Variants in AMN1 observed in about 807,000 individuals in gnomAD.
AMN1 encodes antagonist of mitotic exit network 1 homolog, also known as protein AMN1 homolog.
A neutral mutation model predicts 33.0 loss-of-function variants in AMN1; 20 were observed. That is an observed-to-expected ratio of 0.61 (90% CI 0.43 to 0.88). The LOEUF is 0.88. Among genes scored for constraint, AMN1 ranks in the 40% least tolerant of loss-of-function variants. The pLI is 0.00. For synonymous variants in AMN1, 114 were observed against 111.9 expected, an observed-to-expected ratio of 1.02 and a Z score of -0.12; for missense variants, 246 against 307.4, an observed-to-expected ratio of 0.80 and a Z score of 1.49.
intron 1 of AMN1, among the ~76,000 whole-genome samples, chr12:31,722,954 C>CA (rs1475781003): frequency 6.6e-6 from 1 of 152,114 alleles, no homozygotes; most frequent in African/African-American, 2.4e-5. Context: ...GTCAGGAGCT[C>CA]AAGACCAGGC....
chr12:31,687,212 GT>G lies in AMN1; in HGVS notation c.703+1794del, dbSNP rs1275081167. Among the ~76,000 whole-genome samples, 2 of 151,994 alleles carry G rather than the reference GT, an allele frequency of 1.3e-5. No homozygotes were observed. Among genetic ancestry groups the G allele is most frequent in the Non-Finnish European group, 2.9e-5 (2 of 68,008 alleles). On this transcript the variant is annotated intron_variant, in intron 6 of 6. Transcript: ENST00000281471. The surrounding 1 kb of genome is among the most constrained non-coding windows in gnomAD (Gnocchi z 4.1). ...TACTGGCTCTAGTTTCTTAAGAAAT[GT>G]CTTTGCATAAAGATCTAATCTTCAC...
rs532634507 is a variant in AMN1 at position 31,681,524 on chromosome 12, C to T, written c.703+7483G>A. Among the ~76,000 whole-genome samples the T allele has an allele frequency of 2.6e-3, 395 of 152,136 alleles. 5 individuals carry two copies. The highest frequency in any genetic ancestry group is 1.8e-3 in the Non-Finnish European group (125 of 68,016). ...GATTACAGGCGTGAGCCACCATGCC[C>T]GGCCTCTTGCATTATTATTAATATT... On this transcript the variant is annotated intron_variant, in intron 6 of 6. Coordinates refer to ENST00000281471, the MANE Select transcript of AMN1 (RefSeq NM_001113402.2).
chr12:31,701,777 C>G (rs1390849697), intron 3 of AMN1, 86 bp downstream of exon 3: 2 of 1,151,342 alleles, frequency 1.7e-6, no homozygotes, highest in Non-Finnish European at 2.4e-6. Context: ...TTCATACTCT[C>G]TTTTGACGTA....
At chr12:31,708,826 A>G (rs11051541) in intron 2 of AMN1, 43,892 of 180,544 alleles carry the variant, frequency 0.24, 6,624 homozygotes, top group Non-Finnish European at 0.34. Flanking sequence ...TCTGATAATT[A>G]CATATGGACA....
intron 5 of AMN1, 25 bp from the exon 6 acceptor site, chr12:31,689,143 GT>G: frequency 6.7e-7 from 1 of 1,493,492 alleles, no homozygotes; most frequent in Non-Finnish European, 9.3e-7. Context: ...AGAAAATAAA[GT>G]CAAATGAAAA....
At chr12:31,691,970 A>G (rs1938517890) in intron 5 of AMN1, among the ~76,000 whole-genome samples, 1 of 151,918 alleles carries the variant, frequency 6.6e-6, no homozygotes, top group Admixed American at 6.6e-5. Flanking sequence ...CTCTGCCTCC[A>G]GGGCTCAAGT....
chr12:31,729,131 G>C (rs931032922), upstream of AMN1: 1 of 1,139,454 alleles, frequency 8.8e-7, no homozygotes. Flanking sequence ...GGATTTTTCC[G>C]GTGACCGGGG....
chr12:31,705,761 AAC>A (rs1212144946), intron 2 of AMN1, among the ~76,000 whole-genome samples: 4 of 152,146 alleles, frequency 2.6e-5, no homozygotes, highest in African/African-American at 9.7e-5. Context: ...TATGGCCCAG[AAC>A]ATATAGCCCT....
At chr12:31,720,405 T>C (rs947780888) in intron 1 of AMN1, among the ~76,000 whole-genome samples, 2 of 152,178 alleles carry the variant, frequency 1.3e-5, no homozygotes, top group Non-Finnish European at 2.9e-5. Context: ...CCGGGTGTGG[T>C]GGCAGGTGCC....
rs1939027114 is a variant in AMN1 at position 31,702,000 on chromosome 12, T to C, written c.179A>G (p.His60Arg). Residue 60 changes from histidine to arginine, a missense_variant, in exon 3 of 7, where the codon CAT becomes CGT. By Grantham distance (29) the His-to-Arg change is conservative. Transcript: ENST00000281471. ...TAGATCTAGAGTTTGGACTTCAGGATGTAAAATCTATAACAAATAAGTGAT... is the reference window on the plus strand; with the variant it reads ...TAGATCTAGAGTTTGGACTTCAGGACGTAAAATCTATAACAAATAAGTGAT... ...ITDSNISEIL[H>R]PEVQTLDLRS... 6.3e-7 allele frequency: 1 copy of C among 1,594,212 alleles called. No individual in the cohort carries two copies. The highest frequency in any genetic ancestry group is 8.5e-7 in the Non-Finnish European group (1 of 1,174,126).
At chr12:31,725,395 A>T (rs1940024029) in intron 1 of AMN1, among the ~76,000 whole-genome samples, 1 of 152,218 alleles carries the variant, frequency 6.6e-6, no homozygotes, top group Non-Finnish European at 1.5e-5. Context: ...AAGCTGTAAA[A>T]CAATTGGGGA....
At chr12:31,689,226 G>A (rs1024861415) in intron 5 of AMN1, 108 bp from the exon 6 acceptor site, 2 of 749,008 alleles carry the variant, frequency 2.7e-6, no homozygotes, top group Non-Finnish European at 4.3e-6. Context: ...ATATCTACTT[G>A]CAAAAAAAAA....
intron 3 of AMN1, among the ~76,000 whole-genome samples, chr12:31,699,395 C>CAAAA (rs34860207): frequency 0.15 from 5,349 of 36,800 alleles, 1,343 homozygotes; most frequent in Non-Finnish European, 0.18. Context: ...GACTCTGTCT[C>CAAAA]AAAAAAAAAA....
intron 1 of AMN1, among the ~76,000 whole-genome samples, chr12:31,713,740 C>T (rs1281873459): frequency 1.3e-5 from 2 of 151,836 alleles, no homozygotes; most frequent in South Asian, 2.1e-4. Flanking sequence ...ACCTGGGGTG[C>T]GGGGGTGCTG....
chr12:31,687,793 A>G lies in AMN1; in HGVS notation c.703+1214T>C, dbSNP rs11611575. Among the ~76,000 whole-genome samples the G allele has an allele frequency of 0.16, 24,081 of 152,076 alleles. 2,115 individuals carry two copies. Among genetic ancestry groups the G allele is most frequent in the Admixed American group, 0.23 (3,562 of 15,256 alleles). ...GATTTACAAGTTAGATCCAGTTTATATTACGGTGTGGACCTATTATAGGGG... is the reference window on the plus strand; with the variant it reads ...GATTTACAAGTTAGATCCAGTTTATGTTACGGTGTGGACCTATTATAGGGG... On this transcript the variant is annotated intron_variant, in intron 6 of 6. Transcript: ENST00000281471. The surrounding 1 kb of genome is among the most constrained non-coding windows in gnomAD (Gnocchi z 4.1).
intron 5 of AMN1, among the ~76,000 whole-genome samples, chr12:31,692,284 C>G (rs1359894194): frequency 6.6e-6 from 1 of 151,574 alleles, no homozygotes; most frequent in Non-Finnish European, 1.5e-5. Flanking sequence ...TAGTGAAACC[C>G]TGTCTCTACT....
At chr12:31,702,558 C>G (rs35099640) in intron 2 of AMN1, among the ~76,000 whole-genome samples, 134 of 151,500 alleles carry the variant, frequency 8.8e-4, no homozygotes, top group Non-Finnish European at 1.7e-3. Context: ...CTGTATTTTT[C>G]TGTTCTTTAT....
chr12:31,717,118 A>G (rs1005030918), intron 1 of AMN1, among the ~76,000 whole-genome samples: 1 of 151,702 alleles, frequency 6.6e-6, no homozygotes, highest in Non-Finnish European at 1.5e-5. Context: ...GCTCCCCCCA[A>G]CCACAGGCCC....
intron 2 of AMN1, among the ~76,000 whole-genome samples, chr12:31,703,841 A>G (rs1431357859): frequency 6.6e-6 from 1 of 152,198 alleles, no homozygotes; most frequent in African/African-American, 2.4e-5. Context: ...TTAGGTAGGC[A>G]ATATTATGCC....
Sources: gnomAD v4.1 joint callset for allele counts (sites outside exome capture counted in the v4.1 genomes callset) on GRCh38, gnomAD v4.1.1 for gene constraint, Gnocchi (gnomAD v3.1) non-coding constraint, MANE v1.5 for transcripts, NCBI Gene and HGNC (gene_info 2026-07-23, HGNC 2026-07-21) for gene names.